The following GPC5 variants were observed in gnomAD, a reference collection of about 807,000 sequenced individuals.
The protein encoded by GPC5 is glypican-5.
Under a neutral mutation model 53.9 loss-of-function variants are expected in GPC5, and 47 were observed. That is an observed-to-expected ratio of 0.87 (90% CI 0.69 to 1.11). The LOEUF is 1.11. Among genes scored for constraint, GPC5 ranks in the 50% most tolerant of loss-of-function variants. The probability of loss-of-function intolerance (pLI) is 0.00; values close to 1 mark genes in which losing one functional copy is unlikely to be tolerated. For missense variants in GPC5, 748 were observed against 713.1 expected (o/e 1.05, Z -0.56); for synonymous variants, 286 against 263.3 (o/e 1.09, Z -0.84).
At chr13:92,272,921 T>A (rs557703172) in intron 7 of GPC5, among the ~76,000 whole-genome samples, 2 of 152,196 alleles carry the variant, frequency 1.3e-5, no homozygotes, top group South Asian at 4.2e-4. Flanking sequence ...TAGAAAGCCA[T>A]ATAGTGGCAA....
chr13:92,457,631 G>T (rs1318544452), intron 7 of GPC5, among the ~76,000 whole-genome samples: 2 of 152,132 alleles, frequency 1.3e-5, no homozygotes, highest in Non-Finnish European at 2.9e-5. Flanking sequence ...ATAGTATTCA[G>T]GGTTGTCATA....
At chr13:92,631,544 C>T (rs1053738642) in intron 7 of GPC5, among the ~76,000 whole-genome samples, 1 of 152,042 alleles carries the variant, frequency 6.6e-6, no homozygotes, top group African/African-American at 2.4e-5. Flanking sequence ...ATATATTGTT[C>T]TCTGTACATC....
intron 6 of GPC5, among the ~76,000 whole-genome samples, chr13:91,967,205 A>C (rs2139085143): frequency 6.6e-6 from 1 of 152,238 alleles, no homozygotes; most frequent in Non-Finnish European, 1.5e-5. Context: ...AGATCTGGTG[A>C]GACTTATTCA....
At chr13:92,832,794 G>A (rs545476771) in intron 7 of GPC5, among the ~76,000 whole-genome samples, 19 of 152,144 alleles carry the variant, frequency 1.2e-4, no homozygotes, top group Non-Finnish European at 2.8e-4. Context: ...GATCACTTGA[G>A]GTCAGGAGTT....
chr13:92,248,725 A>C (rs1339334909), intron 7 of GPC5, among the ~76,000 whole-genome samples: 2 of 152,160 alleles, frequency 1.3e-5, no homozygotes, highest in African/African-American at 4.8e-5. Context: ...AACCTGCAAA[A>C]GGCATAAGGC....
chr13:92,758,212 C>T (rs1594485621), intron 7 of GPC5, among the ~76,000 whole-genome samples: 1 of 144,752 alleles, frequency 6.9e-6, no homozygotes, highest in African/African-American at 2.5e-5. Flanking sequence ...AATCATCATT[C>T]TCAGTAAACT....
intron 7 of GPC5, among the ~76,000 whole-genome samples, chr13:92,610,350 T>G (rs1193566830): frequency 6.6e-6 from 1 of 152,180 alleles, no homozygotes; most frequent in Non-Finnish European, 1.5e-5. Flanking sequence ...TCTCAAAATT[T>G]TCCTAATGAC....
intron 7 of GPC5, among the ~76,000 whole-genome samples, chr13:92,669,608 C>G (rs149297172): frequency 6.6e-6 from 1 of 152,092 alleles, no homozygotes; most frequent in African/African-American, 2.4e-5. Context: ...CACCCTAAAC[C>G]GAATTGTCCC....
intron 6 of GPC5, among the ~76,000 whole-genome samples, chr13:92,074,603 T>A (rs2041238212): frequency 6.6e-6 from 1 of 152,208 alleles, no homozygotes; most frequent in South Asian, 2.1e-4. Context: ...AAGTATGTAA[T>A]TCATTGGTTT....
chr13:91,688,219 C>T (rs895728869), intron 2 of GPC5, among the ~76,000 whole-genome samples: 12 of 151,928 alleles, frequency 7.9e-5, no homozygotes, highest in Admixed American at 2.6e-4. Context: ...AAAATTAGTA[C>T]AAAATTATTC....
intron 5 of GPC5, among the ~76,000 whole-genome samples, chr13:91,799,963 C>T (rs1164172647): frequency 6.6e-6 from 1 of 152,028 alleles, no homozygotes; most frequent in Non-Finnish European, 1.5e-5. Flanking sequence ...CTTCCTGACT[C>T]ATATTTTTCA....
chr13:92,122,655 G>T (rs529828833), intron 6 of GPC5, among the ~76,000 whole-genome samples: 1 of 149,350 alleles, frequency 6.7e-6, no homozygotes, highest in Admixed American at 6.7e-5. Flanking sequence ...TTGCTGTTAC[G>T]CAATGGATAA....
chr13:92,072,412 G>C (rs1157588167), intron 6 of GPC5, among the ~76,000 whole-genome samples: 1 of 150,948 alleles, frequency 6.6e-6, no homozygotes, highest in Non-Finnish European at 1.5e-5. Flanking sequence ...GACTACAGGC[G>C]TGCACCACCA....
At chr13:92,544,397 G>A (rs1882030394) in intron 7 of GPC5, among the ~76,000 whole-genome samples, 1 of 152,160 alleles carries the variant, frequency 6.6e-6, no homozygotes, top group Non-Finnish European at 1.5e-5. Context: ...TCATAAAAAT[G>A]TGACATTGCT....
intron 7 of GPC5, among the ~76,000 whole-genome samples, chr13:92,349,864 C>T (rs2043460984): frequency 6.6e-6 from 1 of 152,126 alleles, no homozygotes; most frequent in Non-Finnish European, 1.5e-5. Context: ...AGAGGAGGGA[C>T]TCTTTCTTTA....
chr13:92,675,128 A>G (rs1362224503), intron 7 of GPC5, among the ~76,000 whole-genome samples: 1 of 151,112 alleles, frequency 6.6e-6, no homozygotes, highest in Non-Finnish European at 1.5e-5. Flanking sequence ...AGATAGGAAT[A>G]TCTGATATAT....
intron 6 of GPC5, among the ~76,000 whole-genome samples, chr13:91,968,744 G>A (rs562125246): frequency 1.3e-5 from 2 of 151,902 alleles, no homozygotes; most frequent in East Asian, 2.0e-4. Context: ...TTACAGGCGT[G>A]AGCCACTGCG....
At chr13:92,534,539 GA>G (rs1881663649) in intron 7 of GPC5, among the ~76,000 whole-genome samples, 1 of 152,150 alleles carries the variant, frequency 6.6e-6, no homozygotes, top group Non-Finnish European at 1.5e-5. Flanking sequence ...ATGGAAGGCA[GA>G]ATCATTACCA....
chr13:92,517,765 CA>C, intron 7 of GPC5, among the ~76,000 whole-genome samples: 1 of 152,276 alleles, frequency 6.6e-6, no homozygotes, highest in South Asian at 2.1e-4. Context: ...TTCTAAAAAT[CA>C]GAGCACCTCT....
Sources: allele counts gnomAD v4.1 joint callset (sites outside exome capture counted in the v4.1 genomes callset), GRCh38; gene constraint gnomAD v4.1.1; transcripts MANE v1.5; gene names NCBI Gene and HGNC (gene_info 2026-07-23, HGNC 2026-07-21).